The following ERP27 variants were observed in gnomAD, a reference collection of about 807,000 sequenced individuals.
ERP27 encodes the protein endoplasmic reticulum protein 27, also known as endoplasmic reticulum resident protein 27.
ERP27 carries 23 observed loss-of-function variants against 27.7 expected under a neutral mutation model. The observed-to-expected ratio is 0.83, with a 90% confidence interval of 0.60 to 1.18. The LOEUF is 1.18. Ranked by LOEUF, ERP27 falls within the 50% of genes most tolerant of loss-of-function variation. The pLI is 0.00. For synonymous variants in ERP27, 159 were observed against 118.3 expected, an observed-to-expected ratio of 1.34 and a Z score of -2.23; for missense variants, 363 against 327.9, an observed-to-expected ratio of 1.11 and a Z score of -0.83.
intron 3 of ERP27, among the ~76,000 whole-genome samples, chr12:14,926,916 A>G (rs559337002): frequency 1.3e-5 from 2 of 152,200 alleles, no homozygotes; most frequent in South Asian, 2.1e-4. Context: ...TCCTCTGCTT[A>G]GAGAAGACCT....
intron 3 of ERP27, among the ~76,000 whole-genome samples, chr12:14,930,161 T>G: frequency 6.6e-6 from 1 of 152,068 alleles, no homozygotes; most frequent in Non-Finnish European, 1.5e-5. Context: ...TGCACATGTA[T>G]CCTGGAACTT....
At chr12:14,932,926 T>TTTA (rs1863717627) in intron 3 of ERP27, among the ~76,000 whole-genome samples, 1 of 152,194 alleles carries the variant, frequency 6.6e-6, no homozygotes, top group Non-Finnish European at 1.5e-5. Flanking sequence ...GTTTTGAACA[T>TTTA]TTTAAGAGTA....
Position 14,934,888 on chromosome 12 carries a change from T to C in ERP27, c.301A>G (p.Ile101Val). The C allele has an allele frequency of 6.2e-7, 1 of 1,614,024 alleles. No individual in the cohort carries two copies. ...TDSEVLTHYNITGNTICLFRL... is the reference protein window; with the variant it reads ...TDSEVLTHYNVTGNTICLFRL... Reference sequence around the variant, plus strand: ...AAGAGGCAGATGGTGTTCCCAGTGATGTTGTAGTGTGTCAGAACCTCAGAA... The same window carrying C: ...AAGAGGCAGATGGTGTTCCCAGTGACGTTGTAGTGTGTCAGAACCTCAGAA... Residue 101 changes from isoleucine (I) to valine (V), a missense_variant, in exon 3 of 7, where the codon ATC (isoleucine) becomes GTC (valine). Coordinates refer to ENST00000266397, the MANE Select transcript of ERP27 (RefSeq NM_152321.4).
At chr12:14,935,067 A>G (rs1863755431) in intron 2 of ERP27, 74 bp from the exon 3 acceptor site, 2 of 1,543,434 alleles carry the variant, frequency 1.3e-6, no homozygotes, top group South Asian at 1.2e-5. Context: ...CAAAAGAAAT[A>G]TGATATGATG....
chr12:14,938,398 C>A lies in ERP27; in HGVS notation c.94+17G>T. ...ACACTTTCACACTATAGCCACCCAA[C>A]TACATTTTTCTTTTACCTGAGGATT... On this transcript the variant is annotated intron_variant, in intron 1 of 6. Transcript: ENST00000266397. The A allele has an allele frequency of 6.2e-7, 1 of 1,613,502 alleles. No homozygotes were observed. The highest frequency in any genetic ancestry group is 1.7e-4 in the Middle Eastern group (1 of 6,058).
At chr12:14,937,476 A>C (rs1863789286) in intron 2 of ERP27, among the ~76,000 whole-genome samples, 1 of 152,226 alleles carries the variant, frequency 6.6e-6, no homozygotes, top group Admixed American at 6.5e-5. Flanking sequence ...AGAAAGAAGG[A>C]GAGTCTACCA....
At chr12:14,920,588 T>C (rs1009505063) in intron 4 of ERP27, among the ~76,000 whole-genome samples, 1 of 152,154 alleles carries the variant, frequency 6.6e-6, no homozygotes, top group Non-Finnish European at 1.5e-5. Flanking sequence ...CCCAGGCTGG[T>C]CTCAAACTCC....
At chr12:14,928,568 G>C (rs915514642) in intron 3 of ERP27, among the ~76,000 whole-genome samples, 1 of 152,188 alleles carries the variant, frequency 6.6e-6, no homozygotes, top group Non-Finnish European at 1.5e-5. Context: ...CATTCATTCA[G>C]ATGACAATTT....
chr12:14,915,436 T>C, intron 6 of ERP27, 53 bp downstream of exon 6: 1 of 1,577,480 alleles, frequency 6.3e-7, no homozygotes, highest in South Asian at 1.1e-5. Context: ...CAACTGGAAA[T>C]AAAAGGGACA....
chr12:14,937,371 G>C (rs1416824359), intron 2 of ERP27, among the ~76,000 whole-genome samples: 1 of 152,170 alleles, frequency 6.6e-6, no homozygotes, highest in Non-Finnish European at 1.5e-5. Flanking sequence ...ATTTATGGCT[G>C]CCTTTCTTAG....
At chr12:14,922,252 A>G (rs1863515910) in intron 3 of ERP27, among the ~76,000 whole-genome samples, 1 of 152,208 alleles carries the variant, frequency 6.6e-6, no homozygotes. Flanking sequence ...ACATACCAGT[A>G]CTGTGTATGA....
intron 2 of ERP27, among the ~76,000 whole-genome samples, chr12:14,935,404 T>C (rs1863759798): frequency 6.6e-6 from 1 of 152,222 alleles, no homozygotes; most frequent in South Asian, 2.1e-4. Context: ...TCTATTTTTG[T>C]TTAAAGGGCA....
intron 3 of ERP27, among the ~76,000 whole-genome samples, chr12:14,933,643 C>T (rs1197805408): frequency 6.6e-6 from 1 of 152,206 alleles, no homozygotes; most frequent in African/African-American, 2.4e-5. Context: ...TTTTCTTTTC[C>T]ATCAATTTAC....
chr12:14,933,916 T>G lies in ERP27; in HGVS notation c.333+940A>C, dbSNP rs569896270. On this transcript the variant is annotated intron_variant, in intron 3 of 6. Transcript: ENST00000266397. Reference sequence around the variant, plus strand: ...GCCTAACAAAAGCTCCCTCTTCTCTTGCCTTTTAACCTAAAAATCCATCCT... The same window carrying G: ...GCCTAACAAAAGCTCCCTCTTCTCTGGCCTTTTAACCTAAAAATCCATCCT... 3.9e-5 allele frequency among the ~76,000 whole-genome samples: 6 copies of G among 152,304 alleles called. No homozygotes were observed. The South Asian group carries it at 1.0e-3, about 26-fold the overall frequency.
chr12:14,934,192 G>C (rs546350979), intron 3 of ERP27, among the ~76,000 whole-genome samples: 2 of 152,118 alleles, frequency 1.3e-5, no homozygotes, highest in African/African-American at 2.4e-5. Context: ...CGTTGGCCAT[G>C]AATTCTTTAG....
rs767612096 is a variant in ERP27, at chr12:14,921,034, T to C, written c.348A>G (p.Gln116=). 30 of 1,613,744 alleles carry C rather than the reference T, an allele frequency of 1.9e-5. No individual in the cohort carries two copies. The highest frequency in any genetic ancestry group is 2.5e-5 in the Non-Finnish European group (30 of 1,179,758). Residue 116 remains glutamine, a synonymous_variant, in exon 4 of 7, where the codon CAA becomes CAG. Coordinates refer to ENST00000266397, the MANE Select transcript of ERP27 (RefSeq NM_152321.4). ...CAATGTCTTCGTCCTCTAAATTCAG[T>C]TGTTCATTGTCTACCTGGATAACAC... ...ICLFRLVDNE[Q]LNLEDEDIES...
chr12:14,917,705 C>T (rs1863433820), intron 4 of ERP27, among the ~76,000 whole-genome samples: 1 of 152,194 alleles, frequency 6.6e-6, no homozygotes, highest in African/African-American at 2.4e-5. Flanking sequence ...TACTAACAGC[C>T]AGCATTGACT....
rs1863397302 is a variant in ERP27, at chr12:14,915,595, G to A, written c.668C>T (p.Ala223Val). Reference sequence around the variant, plus strand: ...CTCGTCATCTAGAGTCTGGTAAATTGCCAAAGCTGGCAGTTGAGACTCCTT... The same window carrying A: ...CTCGTCATCTAGAGTCTGGTAAATTACCAAAGCTGGCAGTTGAGACTCCTT... ...KLKESQLPALAIYQTLDDEWD... is the reference protein window; with the variant it reads ...KLKESQLPALVIYQTLDDEWD... The change falls in exon 6 of 7, where the codon GCA becomes GTA. Residue 223 changes from alanine (A) to valine (V), a missense_variant. Physicochemically the swap from Ala to Val is moderately conservative, Grantham distance 64. Coordinates refer to ENST00000266397, the MANE Select transcript of ERP27 (RefSeq NM_152321.4). The A allele has an allele frequency of 6.2e-7, 1 of 1,614,064 alleles. No individual in the cohort carries two copies. The highest frequency in any genetic ancestry group is 8.5e-7 in the Non-Finnish European group (1 of 1,180,036).
At chr12:14,915,027 C>T (rs1592271413) in intron 6 of ERP27, among the ~76,000 whole-genome samples, 3 of 152,286 alleles carry the variant, frequency 2.0e-5, no homozygotes, top group Admixed American at 2.0e-4. Flanking sequence ...CTGACTCCGG[C>T]CACCATATCC....
Sources: allele counts gnomAD v4.1 joint callset (sites outside exome capture counted in the v4.1 genomes callset), GRCh38; gene constraint gnomAD v4.1.1; transcripts MANE v1.5; gene names NCBI Gene and HGNC (gene_info 2026-07-23, HGNC 2026-07-21).